GALNT5: variants seen among roughly 807,000 people sequenced by gnomAD.
The protein encoded by GALNT5 is UDP-GalNAc:polypeptide N-acetylgalactosaminyltransferase 5.
Under a neutral mutation model 85.4 loss-of-function variants are expected in GALNT5, and 72 were observed. The ratio of observed to expected loss-of-function variants is 0.84; its 90% CI spans 0.70 to 1.03. The LOEUF is 1.03. Ranked by LOEUF, GALNT5 falls within the 50% of genes least tolerant of loss-of-function variation. The pLI is 0.00. For synonymous variants in GALNT5, 404 were observed against 397.0 expected (o/e 1.02, Z -0.21); for missense variants, 1,137 against 1,135.5 (o/e 1.00, Z -0.02).
chr2:157,299,054 G>C (rs1308509803), intron 5 of GALNT5: 3 of 157,434 alleles, frequency 1.9e-5, no homozygotes, highest in African/African-American at 7.2e-5. Flanking sequence ...CGCACATGGA[G>C]CGGTGAGGGG....
intron 8 of GALNT5, 107 bp downstream of exon 8, chr2:157,305,936 TAAATTTC>T: frequency 1.5e-6 from 1 of 663,206 alleles, no homozygotes; most frequent in Non-Finnish European, 2.6e-6. Context: ...AATAATTTTC[TAAATTTC>T]TTTGTAAAAA....
intron 3 of GALNT5, among the ~76,000 whole-genome samples, chr2:157,290,087 G>GTATATATATATATATATATATA (rs55861093): frequency 7.6e-6 from 1 of 131,662 alleles, no homozygotes; most frequent in African/African-American, 3.3e-5. Flanking sequence ...AAAAAAAAAT[G>GTATATATATATATATATATATA]TATATATATA....
At chr2:157,307,701 T>G (rs912653108) in intron 8 of GALNT5, among the ~76,000 whole-genome samples, 2 of 152,200 alleles carry the variant, frequency 1.3e-5, no homozygotes, top group African/African-American at 4.8e-5. Flanking sequence ...TAATCAAAGT[T>G]AAACTTCACT....
chr2:157,305,799 C>A lies in GALNT5; in HGVS notation c.2490C>A (p.Val830=). 4 of 1,609,438 alleles carry A rather than the reference C, an allele frequency of 2.5e-6. No individual in the cohort carries two copies. Among genetic ancestry groups the A allele is most frequent in the South Asian group, 2.2e-5 (2 of 90,944 alleles). Residue 830 remains valine (V), a synonymous_variant, in exon 8 of 10, where the codon GTC becomes GTA. Transcript: ENST00000259056. ...GCATTTCCATTGAAAACACTACAGTCATTCTGGAAGACTGCGATGGGAGCA... is the reference window on the plus strand; with the variant it reads ...GCATTTCCATTGAAAACACTACAGTAATTCTGGAAGACTGCGATGGGAGCA... ...GKCISIENTT[V]ILEDCDGSKE...
At chr2:157,285,492 T>C (rs1050142835) in intron 2 of GALNT5, among the ~76,000 whole-genome samples, 3 of 152,092 alleles carry the variant, frequency 2.0e-5, no homozygotes, top group Non-Finnish European at 2.9e-5. Flanking sequence ...CACATAAACA[T>C]AGCTCATAAA....
chr2:157,284,952 A>G (rs1682939434), intron 2 of GALNT5, among the ~76,000 whole-genome samples: 1 of 152,240 alleles, frequency 6.6e-6, no homozygotes, highest in African/African-American at 2.4e-5. Flanking sequence ...TGATTCCAAC[A>G]AAGTTCAAAA....
At position 157,268,972 on chromosome 2, in the gene GALNT5, A is replaced by G. The variant is rs767235249; in HGVS notation, c.1454+9436A>G. On this transcript the variant is annotated intron_variant, in intron 1 of 9. Coordinates refer to ENST00000259056, the MANE Select transcript of GALNT5 (RefSeq NM_014568.3). ...GACTTTAGCAGCAATTTCTCCTCCC[A>G]TGATATAGGCAGAAATTAAGGAAAA... Among the ~76,000 whole-genome samples, 5 of 152,216 alleles carry G rather than the reference A, an allele frequency of 3.3e-5. No individual in the cohort carries two copies. In the South Asian group the frequency reaches 8.3e-4, roughly 25 times the overall value.
intron 1 of GALNT5, among the ~76,000 whole-genome samples, chr2:157,282,343 GTTTC>G (rs1414601846): frequency 2.6e-5 from 4 of 152,026 alleles, no homozygotes; most frequent in African/African-American, 9.7e-5. Context: ...TGGTGGGTTG[GTTTC>G]TTTGTGTTTT....
chr2:157,273,962 T>C (rs977770227), intron 1 of GALNT5, among the ~76,000 whole-genome samples: 6 of 152,100 alleles, frequency 3.9e-5, no homozygotes, highest in African/African-American at 1.4e-4. Context: ...CTCCTAATGC[T>C]ATCCCTCCTC....
chr2:157,295,955 G>T (rs1475808420), intron 4 of GALNT5, among the ~76,000 whole-genome samples, 157 bp downstream of exon 4: 1 of 152,142 alleles, frequency 6.6e-6, no homozygotes, highest in East Asian at 1.9e-4. Flanking sequence ...TCGATATCTT[G>T]GGATCAGAGT....
intron 2 of GALNT5, 49 bp from the exon 3 acceptor site, chr2:157,285,966 G>T: frequency 6.9e-7 from 1 of 1,456,910 alleles, no homozygotes; most frequent in South Asian, 1.2e-5. Context: ...GATACTATCC[G>T]GACTTACTTA....
At chr2:157,273,287 A>G (rs1682632574) in intron 1 of GALNT5, among the ~76,000 whole-genome samples, 1 of 152,160 alleles carries the variant, frequency 6.6e-6, no homozygotes, top group Non-Finnish European at 1.5e-5. Flanking sequence ...TCCAGTTCCA[A>G]AATTGTCCTC....
At position 157,286,021 on chromosome 2, in the gene GALNT5, T is replaced by G. The variant is rs1682961145; in HGVS notation, c.1628T>G (p.Leu543Arg). ...LVDDFSTKDY[L>R]KDNLDKYMSQ... ...TATCTTTACTCTGATGTAGACTATC[T>G]AAAAGATAATTTGGATAAATACATG... Residue 543 changes from leucine to arginine, a missense_variant, in exon 3 of 10, where the codon CTA becomes CGA. By Grantham distance (102) the Leu-to-Arg change is moderately radical (BLOSUM62 -2). Coordinates refer to ENST00000259056, the MANE Select transcript of GALNT5 (RefSeq NM_014568.3). The G allele has an allele frequency of 1.3e-6, 2 of 1,595,426 alleles. No homozygotes were observed. Among genetic ancestry groups the G allele is most frequent in the Non-Finnish European group, 1.7e-6 (2 of 1,163,308 alleles).
intron 1 of GALNT5, among the ~76,000 whole-genome samples, chr2:157,271,253 G>A (rs1039056830): frequency 2.4e-4 from 36 of 152,356 alleles, no homozygotes; most frequent in African/African-American, 7.7e-4. Context: ...ACAAAAGCTG[G>A]AGTGTTCTTC....
chr2:157,277,867 A>T (rs1206728721), intron 1 of GALNT5, among the ~76,000 whole-genome samples: 1 of 152,144 alleles, frequency 6.6e-6, no homozygotes, highest in Non-Finnish European at 1.5e-5. Context: ...TTTCATTATG[A>T]TGTTAGCTGG....
At chr2:157,287,426 TCTCC>T (rs1168554756) in intron 3 of GALNT5, among the ~76,000 whole-genome samples, 2 of 151,954 alleles carry the variant, frequency 1.3e-5, no homozygotes, top group African/African-American at 4.8e-5. Flanking sequence ...TCAATCTCCC[TCTCC>T]CCTCCCTCTC....
intron 7 of GALNT5, among the ~76,000 whole-genome samples, chr2:157,301,304 G>A (rs1260230722): frequency 6.6e-6 from 1 of 152,150 alleles, no homozygotes; most frequent in Non-Finnish European, 1.5e-5. Flanking sequence ...CTTAATTTGG[G>A]TAGAGAAGAA....
intron 3 of GALNT5, among the ~76,000 whole-genome samples, chr2:157,288,348 T>C (rs1468569457): frequency 6.6e-6 from 1 of 152,184 alleles, no homozygotes; most frequent in Non-Finnish European, 1.5e-5. Flanking sequence ...TTCAGAAAAA[T>C]TTAATGGCAT....
intron 3 of GALNT5, among the ~76,000 whole-genome samples, chr2:157,290,566 G>A (rs1683078821): frequency 6.6e-6 from 1 of 152,116 alleles, no homozygotes; most frequent in African/African-American, 2.4e-5. Context: ...AAGAGTTCCT[G>A]TAAATTAGAG....
Sources: gnomAD v4.1 joint callset for allele counts (sites outside exome capture counted in the v4.1 genomes callset) on GRCh38, gnomAD v4.1.1 for gene constraint, MANE v1.5 for transcripts, NCBI Gene and HGNC (gene_info 2026-07-23, HGNC 2026-07-21) for gene names.